The following MMP16 variants were observed in gnomAD, a reference collection of about 807,000 sequenced individuals.
MMP16 encodes the protein matrix metalloproteinase-16.
Under a neutral mutation model 67.8 loss-of-function variants are expected in MMP16, and 12 were observed. That is an observed-to-expected ratio of 0.18 (90% CI 0.11 to 0.29). The LOEUF (loss-of-function observed/expected upper bound fraction) is 0.29, where lower values mean the gene tolerates loss of function less well. MMP16 is among the 10% of genes least tolerant of loss of function. MMP16 has a pLI of 1.00. For missense variants in MMP16, 475 were observed against 765.7 expected, an observed-to-expected ratio of 0.62 and a Z score of 4.48; for synonymous variants, 249 against 255.9, an observed-to-expected ratio of 0.97 and a Z score of 0.26.
chr8:88,262,061 G>A (rs558278185), intron 1 of MMP16, among the ~76,000 whole-genome samples: 1 of 152,056 alleles, frequency 6.6e-6, no homozygotes. Flanking sequence ...CTAGCACAGG[G>A]CCAAAACATG....
chr8:88,230,581 A>G (rs1809843020), intron 1 of MMP16, among the ~76,000 whole-genome samples: 1 of 151,940 alleles, frequency 6.6e-6, no homozygotes, highest in African/African-American at 2.4e-5. Context: ...AACAGAAACA[A>G]AAAATAAGTC....
chr8:88,207,706 A>AG (rs1809451843), intron 1 of MMP16, among the ~76,000 whole-genome samples: 1 of 151,608 alleles, frequency 6.6e-6, no homozygotes, highest in Non-Finnish European at 1.5e-5. Context: ...AAAAAAAAAA[A>AG]AAGAAAGAAA....
At chr8:88,203,021 A>G (rs1366345532) in intron 1 of MMP16, among the ~76,000 whole-genome samples, 2 of 152,102 alleles carry the variant, frequency 1.3e-5, no homozygotes, top group East Asian at 3.9e-4. Context: ...AAAAATACAA[A>G]AAAGAAATTA....
chr8:88,097,511 G>A (rs1809049110), intron 6 of MMP16, among the ~76,000 whole-genome samples: 1 of 150,314 alleles, frequency 6.7e-6, no homozygotes, highest in African/African-American at 2.4e-5. Context: ...CTGTAGTCTT[G>A]GTTACTTGGT....
At chr8:88,284,960 T>C (rs942834256) in intron 1 of MMP16, among the ~76,000 whole-genome samples, 1 of 152,074 alleles carries the variant, frequency 6.6e-6, no homozygotes, top group African/African-American at 2.4e-5. Flanking sequence ...TAAACTTCCC[T>C]GATTTTTGCT....
Position 88,267,844 on chromosome 8 carries a change from T to C in MMP16, c.132+59231A>G, listed in dbSNP as rs951114918. On this transcript the variant is annotated intron_variant, in intron 1 of 9. Transcript: ENST00000286614. ...GGCAATATACTTTGATAAAGTCCTG[T>C]AACTGGTCCCAAAATTGACATCATA... is the stretch of plus-strand genomic sequence containing the variant. 2.0e-5 allele frequency among the ~76,000 whole-genome samples: 3 copies of C among 152,324 alleles called. No individual in the cohort carries two copies. In the South Asian group the frequency reaches 6.2e-4, roughly 32 times the overall value.
At chr8:88,299,000 A>AC (rs1554592794) in intron 1 of MMP16, among the ~76,000 whole-genome samples, 1 of 151,020 alleles carries the variant, frequency 6.6e-6, no homozygotes, top group Non-Finnish European at 1.5e-5. Context: ...GTAAAAATCC[A>AC]TTTTTTTTTC....
At chr8:88,323,274 GATTA>G (rs1359534840) in intron 1 of MMP16, among the ~76,000 whole-genome samples, 4 of 152,110 alleles carry the variant, frequency 2.6e-5, no homozygotes, top group East Asian at 1.9e-4. Context: ...AATGTCTCAT[GATTA>G]ATTATTACCA....
chr8:88,079,442 T>C (rs1402626990), intron 6 of MMP16, among the ~76,000 whole-genome samples: 1 of 152,124 alleles, frequency 6.6e-6, no homozygotes, highest in Non-Finnish European at 1.5e-5. Flanking sequence ...AAGAACATAG[T>C]GTATGGTCTG....
chr8:88,202,258 T>C (rs1386436654), intron 1 of MMP16, among the ~76,000 whole-genome samples: 2 of 152,200 alleles, frequency 1.3e-5, no homozygotes, highest in African/African-American at 4.8e-5. Flanking sequence ...AACTGTCATT[T>C]GGACAGGAAG....
At chr8:88,225,119 A>G (rs1159785676) in intron 1 of MMP16, among the ~76,000 whole-genome samples, 2 of 152,020 alleles carry the variant, frequency 1.3e-5, no homozygotes, top group South Asian at 2.1e-4. Flanking sequence ...CCTTTCAAAT[A>G]AAAAATAAAT....
rs61753768 is a variant in MMP16 at position 88,074,632 on chromosome 8, T to C, written c.1195A>G (p.Ser399Gly). The change falls in exon 7 of 10, where the codon AGC becomes GGC. Residue 399 changes from serine (S) to glycine (G), a missense_variant. Physicochemically the swap from Ser to Gly is moderately conservative, Grantham distance 56 (BLOSUM62 0). Transcript: ENST00000286614. ...PPSIDAVYENSDGNFVFFKGN... is the reference protein window; with the variant it reads ...PPSIDAVYENGDGNFVFFKGN... The stretch of plus-strand genomic sequence containing the variant: ...TTAAAGAACACAAAATTCCCGTCGC[T>C]ATTTTCATAAACTGCATCGATACTA... 2,829 of 1,613,408 alleles carry C rather than the reference T, an allele frequency of 1.8e-3. 5 individuals carry two copies. Among genetic ancestry groups the C allele is most frequent in the Non-Finnish European group, 2.3e-3 (2,732 of 1,179,692 alleles).
chr8:88,262,299 A>C (rs1202848854), intron 1 of MMP16, among the ~76,000 whole-genome samples: 1 of 152,258 alleles, frequency 6.6e-6, no homozygotes, highest in African/African-American at 2.4e-5. Flanking sequence ...TGAATTTTTT[A>C]AATATTTCCT....
chr8:88,149,053 C>G (rs570915061), intron 4 of MMP16, among the ~76,000 whole-genome samples: 2 of 152,138 alleles, frequency 1.3e-5, no homozygotes, highest in Non-Finnish European at 2.9e-5. Context: ...ACCTGGGAAG[C>G]GCAAGGGGTC....
At chr8:88,118,611 A>G in intron 5 of MMP16, 89 bp downstream of exon 5, 1 of 1,202,452 alleles carries the variant, frequency 8.3e-7, no homozygotes, top group Non-Finnish European at 1.2e-6. Flanking sequence ...TCTGTGTTAT[A>G]CTTAGAGCAT....
chr8:88,100,041 C>T (rs905360639), intron 6 of MMP16, among the ~76,000 whole-genome samples: 2 of 151,894 alleles, frequency 1.3e-5, no homozygotes, highest in African/African-American at 2.4e-5. Context: ...TGTAGGTTGC[C>T]TGTTCACTCT....
chr8:88,239,697 G>A (rs901337154), intron 1 of MMP16, among the ~76,000 whole-genome samples: 2 of 152,072 alleles, frequency 1.3e-5, no homozygotes, highest in African/African-American at 4.8e-5. Flanking sequence ...TGATGAGGAG[G>A]ATAAATCAGA....
intron 6 of MMP16, among the ~76,000 whole-genome samples, chr8:88,093,251 T>C (rs1808969294): frequency 6.6e-6 from 1 of 151,840 alleles, no homozygotes; most frequent in Non-Finnish European, 1.5e-5. Flanking sequence ...ATTAACATTG[T>C]CTAAGTGCTT....
intron 4 of MMP16, among the ~76,000 whole-genome samples, chr8:88,160,294 C>T (rs1233935499): frequency 2.0e-5 from 3 of 151,980 alleles, no homozygotes; most frequent in African/African-American, 7.2e-5. Context: ...CTACAAAGGA[C>T]ATGAACTCAT....
Sources: gnomAD v4.1 joint callset for allele counts (sites outside exome capture counted in the v4.1 genomes callset) on GRCh38, gnomAD v4.1.1 for gene constraint, MANE v1.5 for transcripts, NCBI Gene and HGNC (gene_info 2026-07-23, HGNC 2026-07-21) for gene names.